The following TBC1D22A variants were observed in gnomAD, a reference collection of about 807,000 sequenced individuals.
TBC1D22A encodes the protein putative GTPase activator.
TBC1D22A carries 38 observed loss-of-function variants against 60.2 expected under a neutral mutation model. That is an observed-to-expected ratio of 0.63 (90% confidence interval 0.49 to 0.83). TBC1D22A has a LOEUF of 0.83. Ranked by LOEUF, TBC1D22A falls within the 40% of genes least tolerant of loss-of-function variation. TBC1D22A has a pLI of 0.00. For missense variants in TBC1D22A, 628 were observed against 701.0 expected (o/e 0.90, Z 1.18); for synonymous variants, 302 against 281.7 (o/e 1.07, Z -0.72).
At chr22:47,084,845 T>C (rs951033528) in intron 11 of TBC1D22A, among the ~76,000 whole-genome samples, 1 of 152,226 alleles carries the variant, frequency 6.6e-6, no homozygotes, top group Non-Finnish European at 1.5e-5. Flanking sequence ...GGACAGTGTT[T>C]ACCTTGAAAG....
At chr22:47,138,316 G>A (rs1321565967) in intron 12 of TBC1D22A, among the ~76,000 whole-genome samples, 1 of 152,192 alleles carries the variant, frequency 6.6e-6, no homozygotes, top group African/African-American at 2.4e-5. Context: ...GGCCTCTGGG[G>A]GACAGGGAGG....
At chr22:46,898,207 G>A (rs1365612442) in intron 7 of TBC1D22A, among the ~76,000 whole-genome samples, 2 of 152,198 alleles carry the variant, frequency 1.3e-5, no homozygotes. Context: ...TGGTCTCAGA[G>A]TGTGGACCCT....
chr22:46,862,281 C>T (rs1452332795), intron 4 of TBC1D22A, among the ~76,000 whole-genome samples: 2 of 152,212 alleles, frequency 1.3e-5, no homozygotes, highest in African/African-American at 4.8e-5. Flanking sequence ...GACTGGCCCT[C>T]ACGAAGTGGG....
chr22:46,787,644 T>C (rs1470281844), intron 1 of TBC1D22A, among the ~76,000 whole-genome samples: 1 of 152,212 alleles, frequency 6.6e-6, no homozygotes, highest in African/African-American at 2.4e-5. Flanking sequence ...AGTGTAAACT[T>C]TGCAAATGTG....
intron 4 of TBC1D22A, among the ~76,000 whole-genome samples, chr22:46,839,142 G>A (rs746363284): frequency 3.9e-5 from 6 of 152,204 alleles, no homozygotes; most frequent in Non-Finnish European, 5.9e-5. Context: ...TACAAATTCA[G>A]TGAAGTGGCA....
At chr22:46,880,846 TCA>T (rs1401371350) in intron 5 of TBC1D22A, among the ~76,000 whole-genome samples, 1 of 152,120 alleles carries the variant, frequency 6.6e-6, no homozygotes, top group Non-Finnish European at 1.5e-5. Flanking sequence ...CTTGGCCCTC[TCA>T]GGGCTTGGAT....
At chr22:47,035,266 T>C (rs2062617452) in intron 10 of TBC1D22A, among the ~76,000 whole-genome samples, 1 of 152,192 alleles carries the variant, frequency 6.6e-6, no homozygotes, top group Non-Finnish European at 1.5e-5. Context: ...TCTGCAGGCC[T>C]GGAGCCCTTA....
At chr22:46,782,801 G>T (rs185896982) in intron 1 of TBC1D22A, among the ~76,000 whole-genome samples, 1 of 152,164 alleles carries the variant, frequency 6.6e-6, no homozygotes, top group East Asian at 1.9e-4. Context: ...TGCGTACCAA[G>T]ACTTCATTCC....
At chr22:47,103,223 G>C (rs2065490445) in intron 11 of TBC1D22A, among the ~76,000 whole-genome samples, 1 of 152,150 alleles carries the variant, frequency 6.6e-6, no homozygotes, top group Non-Finnish European at 1.5e-5. Context: ...TTGGGGCTGG[G>C]ATTAGAATGA....
intron 4 of TBC1D22A, among the ~76,000 whole-genome samples, chr22:46,830,393 C>G (rs1397931770): frequency 6.6e-6 from 1 of 152,202 alleles, no homozygotes; most frequent in Non-Finnish European, 1.5e-5. Context: ...TCCAGCAGCC[C>G]TCAGATCTCC....
chr22:46,766,575 G>A (rs548527048), intron 1 of TBC1D22A, among the ~76,000 whole-genome samples: 19 of 152,072 alleles, frequency 1.2e-4, no homozygotes, highest in Admixed American at 2.0e-4. Context: ...TCGCTCTGTC[G>A]CCCAGACTGG....
At chr22:46,908,210 G>C (rs1015916137) in intron 7 of TBC1D22A, among the ~76,000 whole-genome samples, 35 of 152,218 alleles carry the variant, frequency 2.3e-4, no homozygotes, top group African/African-American at 8.4e-4. Context: ...CAGGCACAAG[G>C]TGATGGTGGT....
At chr22:46,866,174 GCCTCACCGCAACCT>G (rs1426633221) in intron 4 of TBC1D22A, among the ~76,000 whole-genome samples, 3 of 152,146 alleles carry the variant, frequency 2.0e-5, no homozygotes, top group Non-Finnish European at 2.9e-5. Context: ...GCGTAATCTT[GCCTCACCGCAACCT>G]CCTCCTCCTG....
At chr22:46,907,600 C>T (rs930060118) in intron 7 of TBC1D22A, among the ~76,000 whole-genome samples, 3 of 152,174 alleles carry the variant, frequency 2.0e-5, no homozygotes, top group Non-Finnish European at 2.9e-5. Flanking sequence ...CCACCGTCCT[C>T]GCCTCCACCA....
intron 11 of TBC1D22A, among the ~76,000 whole-genome samples, chr22:47,085,778 G>A (rs1224216558): frequency 6.6e-6 from 1 of 152,010 alleles, no homozygotes; most frequent in Non-Finnish European, 1.5e-5. Flanking sequence ...GAAAAAAAAG[G>A]GCCAAGGATT....
chr22:46,917,726 T>C (rs1390660414), intron 8 of TBC1D22A, among the ~76,000 whole-genome samples: 1 of 152,098 alleles, frequency 6.6e-6, no homozygotes, highest in African/African-American at 2.4e-5. Flanking sequence ...CAGTCGCGGC[T>C]GTGGATGTGT....
intron 4 of TBC1D22A, among the ~76,000 whole-genome samples, chr22:46,850,505 A>AG (rs962310172): frequency 1.3e-5 from 2 of 152,212 alleles, no homozygotes; most frequent in African/African-American, 2.4e-5. Context: ...AAGACCAAAA[A>AG]GAAAAAAAAG....
chr22:46,991,645 T>C (rs1362391314), intron 9 of TBC1D22A, among the ~76,000 whole-genome samples: 1 of 152,240 alleles, frequency 6.6e-6, no homozygotes, highest in Non-Finnish European at 1.5e-5. Context: ...CTCATTTGGC[T>C]CATTCCATTG....
chr22:47,058,303 C>A (rs1415924494), intron 11 of TBC1D22A, among the ~76,000 whole-genome samples: 1 of 152,152 alleles, frequency 6.6e-6, no homozygotes, highest in African/African-American at 2.4e-5. Context: ...TGACTTTCTT[C>A]TCGGACTCCT....
Sources: gnomAD v4.1 joint callset for allele counts (sites outside exome capture counted in the v4.1 genomes callset) on GRCh38, gnomAD v4.1.1 for gene constraint, MANE v1.5 for transcripts, NCBI Gene and HGNC (gene_info 2026-07-23, HGNC 2026-07-21) for gene names.